Variants in NTNG1 observed in about 807,000 individuals in gnomAD.
NTNG1 encodes netrin G1.
A neutral mutation model predicts 54.0 loss-of-function variants in NTNG1; 16 were observed. The observed-to-expected ratio is 0.30, with a 90% CI of 0.20 to 0.45. NTNG1 has a LOEUF of 0.45. NTNG1 is among the 20% of genes least tolerant of loss of function. NTNG1 has a pLI of 1.00. For synonymous variants in NTNG1, 255 were observed against 263.1 expected, an observed-to-expected ratio of 0.97 and a Z score of 0.30; for missense variants, 530 against 678.7, an observed-to-expected ratio of 0.78 and a Z score of 2.43.
chr1:107,444,140 C>T (rs1010897920), intron 7 of NTNG1, among the ~76,000 whole-genome samples: 1 of 152,096 alleles, frequency 6.6e-6, no homozygotes, highest in Non-Finnish European at 1.5e-5. Context: ...TGAAGTATCT[C>T]TTGATTCAGC....
intron 6 of NTNG1, among the ~76,000 whole-genome samples, chr1:107,435,741 A>C (rs1340293816): frequency 1.3e-5 from 2 of 152,180 alleles, no homozygotes; most frequent in Non-Finnish European, 2.9e-5. Flanking sequence ...ATGGAAACTG[A>C]GAGGCACAAT....
chr1:107,279,875 C>G (rs962179474), intron 2 of NTNG1, among the ~76,000 whole-genome samples: 5 of 152,040 alleles, frequency 3.3e-5, no homozygotes, highest in African/African-American at 1.2e-4. Context: ...ATTGCAGCCT[C>G]AAACTCTTAG....
chr1:107,154,747 C>T (rs1185193663), intron 2 of NTNG1, among the ~76,000 whole-genome samples: 2 of 149,772 alleles, frequency 1.3e-5, no homozygotes, highest in Admixed American at 1.3e-4. Context: ...AATAAAGAAC[C>T]TGATATATAT....
At chr1:107,271,959 A>G (rs1011256960) in intron 2 of NTNG1, among the ~76,000 whole-genome samples, 1 of 152,202 alleles carries the variant, frequency 6.6e-6, no homozygotes, top group African/African-American at 2.4e-5. Flanking sequence ...TGTTCTAAAA[A>G]CAATGATTCA....
At chr1:107,338,718 T>C (rs1668734156) in intron 3 of NTNG1, among the ~76,000 whole-genome samples, 1 of 151,764 alleles carries the variant, frequency 6.6e-6, no homozygotes, top group Non-Finnish European at 1.5e-5. Context: ...TCACAACAAC[T>C]ACAAACTCTG....
chr1:107,141,736 G>A (rs1653737423), intron 1 of NTNG1, among the ~76,000 whole-genome samples: 1 of 152,140 alleles, frequency 6.6e-6, no homozygotes, highest in Non-Finnish European at 1.5e-5. Context: ...GTTGTGTCCG[G>A]AGCCCAGGCG....
chr1:107,440,828 G>A (rs1675920121), intron 7 of NTNG1, among the ~76,000 whole-genome samples: 1 of 152,144 alleles, frequency 6.6e-6, no homozygotes, highest in South Asian at 2.1e-4. Context: ...CTGCTTGAGA[G>A]GCCACCAATT....
chr1:107,165,430 A>G (rs1655719950), intron 2 of NTNG1, among the ~76,000 whole-genome samples: 2 of 152,182 alleles, frequency 1.3e-5, no homozygotes, highest in South Asian at 4.1e-4. Context: ...CACTGAAACT[A>G]TGTTTTTAAG....
intron 2 of NTNG1, among the ~76,000 whole-genome samples, chr1:107,165,976 C>T (rs575263095): frequency 2.6e-5 from 4 of 152,270 alleles, no homozygotes; most frequent in African/African-American, 9.6e-5. Context: ...CTCTGTAGAG[C>T]CCTGGGCTGG....
intron 1 of NTNG1, chr1:107,143,395 T>A (rs574170625): frequency 6.6e-6 from 1 of 152,276 alleles, no homozygotes; most frequent in Admixed American, 6.5e-5. Context: ...TTTGCTTCCA[T>A]TATTATTCTG....
intron 2 of NTNG1, among the ~76,000 whole-genome samples, chr1:107,196,635 G>C (rs544506763): frequency 1.3e-5 from 2 of 151,996 alleles, no homozygotes; most frequent in East Asian, 3.9e-4. Flanking sequence ...TACAGTAAAT[G>C]ATGACAACAT....
At chr1:107,203,166 A>G (rs1408292575) in intron 2 of NTNG1, among the ~76,000 whole-genome samples, 2 of 151,932 alleles carry the variant, frequency 1.3e-5, no homozygotes, top group African/African-American at 2.4e-5. Context: ...GAATGTAGCA[A>G]GAATGTTCTT....
chr1:107,341,475 T>C (rs1380760962), intron 3 of NTNG1, among the ~76,000 whole-genome samples: 1 of 152,112 alleles, frequency 6.6e-6, no homozygotes, highest in Non-Finnish European at 1.5e-5. Context: ...CTTAGTTTTC[T>C]AAGATTGGCT....
chr1:107,203,997 A>G (rs1304034857), intron 2 of NTNG1, among the ~76,000 whole-genome samples: 1 of 152,046 alleles, frequency 6.6e-6, no homozygotes, highest in Non-Finnish European at 1.5e-5. Flanking sequence ...TTTCTAATCT[A>G]CTTACTCTTC....
At chr1:107,439,672 A>C (rs1675840560) in intron 7 of NTNG1, among the ~76,000 whole-genome samples, 1 of 152,010 alleles carries the variant, frequency 6.6e-6, no homozygotes. Context: ...ATTCTATGTT[A>C]AAATATAGAA....
intron 3 of NTNG1, among the ~76,000 whole-genome samples, chr1:107,346,069 T>G (rs1265686179): frequency 6.6e-6 from 1 of 152,210 alleles, no homozygotes; most frequent in Non-Finnish European, 1.5e-5. Flanking sequence ...TCCCTGCCTA[T>G]GTGGCTGATG....
At chr1:107,331,696 C>T (rs547397098) in intron 3 of NTNG1, among the ~76,000 whole-genome samples, 29 of 152,216 alleles carry the variant, frequency 1.9e-4, no homozygotes, top group Middle Eastern at 3.4e-3. Flanking sequence ...CAACTACCTT[C>T]GCTTATTTTA....
At chr1:107,173,715 C>T (rs1297785071) in intron 2 of NTNG1, among the ~76,000 whole-genome samples, 35 of 138,798 alleles carry the variant, frequency 2.5e-4, no homozygotes, top group African/African-American at 3.7e-4. Context: ...TTTTTCTTTT[C>T]TTTCTTTCTT....
chr1:107,266,244 C>T (rs78801249), intron 2 of NTNG1, among the ~76,000 whole-genome samples: 5,266 of 152,088 alleles, frequency 0.035, 307 homozygotes, highest in African/African-American at 0.12. Context: ...GCTGGACACC[C>T]GTATTAGTCC....
Sources: allele counts gnomAD v4.1 joint callset (sites outside exome capture counted in the v4.1 genomes callset), GRCh38; gene constraint gnomAD v4.1.1; transcripts MANE v1.5; gene names NCBI Gene and HGNC (gene_info 2026-07-23, HGNC 2026-07-21).